The following TBCE variants were observed in gnomAD, a reference collection of about 807,000 sequenced individuals.
TBCE encodes the protein tubulin folding cofactor E.
In TBCE, 53 loss-of-function variants were observed where a neutral mutation model predicts 77.0. The ratio of observed to expected loss-of-function variants is 0.69; its 90% CI spans 0.55 to 0.87. The LOEUF (loss-of-function observed/expected upper bound fraction) is 0.87, where lower values mean the gene tolerates loss of function less well. TBCE is among the 40% of genes least tolerant of loss of function. The pLI, the probability that TBCE is intolerant of heterozygous loss-of-function variation, is 0.00. For synonymous variants in TBCE, 235 were observed against 241.3 expected, an observed-to-expected ratio of 0.97 and a Z score of 0.24; for missense variants, 624 against 622.4, an observed-to-expected ratio of 1.00 and a Z score of -0.03.
In TBCE at chr1:235,448,984, A is replaced by T; in HGVS notation, c.*222A>T. ...AACCTACTAATGATTTTCTGATCTTATTTCATATTTATTTTTACAGCTCAT... is the reference window on the plus strand; with the variant it reads ...AACCTACTAATGATTTTCTGATCTTTTTTCATATTTATTTTTACAGCTCAT... On this transcript the variant is annotated 3_prime_UTR_variant, in exon 17 of 17. Transcript: ENST00000642610. 2.2e-6 allele frequency: 1 copy of T among 460,894 alleles called. No homozygotes were observed. The highest frequency in any genetic ancestry group is 4.0e-6 in the Non-Finnish European group (1 of 250,646). 28.6% of individuals were successfully genotyped at this position (460,894 alleles called of 1,614,324 possible). A position where few individuals can be genotyped will look rare whatever the true frequency, so the allele number is the denominator to read the frequency against.
intron 4 of TBCE, chr1:235,415,075 C>G: frequency 4.5e-6 from 1 of 223,160 alleles, no homozygotes; most frequent in Non-Finnish European, 9.0e-6. Flanking sequence ...GTGGAACATG[C>G]GGCATCCTTG....
intron 3 of TBCE, among the ~76,000 whole-genome samples, chr1:235,402,788 C>T (rs1679193970): frequency 6.6e-6 from 1 of 151,770 alleles, no homozygotes; most frequent in Non-Finnish European, 1.5e-5. Context: ...GCACACCCAG[C>T]TAATTTAAAA....
chr1:235,419,618 G>A (rs1312342506), intron 5 of TBCE, 57 bp downstream of exon 5: 7 of 1,606,058 alleles, frequency 4.4e-6, no homozygotes, highest in East Asian at 2.2e-5. Flanking sequence ...TTATACCTGT[G>A]CCAGAGACTG....
At chr1:235,440,505 G>C (rs1270418358) in intron 13 of TBCE, among the ~76,000 whole-genome samples, 1 of 151,930 alleles carries the variant, frequency 6.6e-6, no homozygotes, top group Non-Finnish European at 1.5e-5. Context: ...TGATTCTCCT[G>C]CTTCAGCCTC....
intron 3 of TBCE, among the ~76,000 whole-genome samples, chr1:235,402,504 A>G (rs1335439982): frequency 6.6e-6 from 1 of 152,042 alleles, no homozygotes; most frequent in Non-Finnish European, 1.5e-5. Flanking sequence ...ATTAGTTTTC[A>G]ATTTCTGAAA....
chr1:235,418,164 TTTCC>T (rs1327382104), intron 4 of TBCE, among the ~76,000 whole-genome samples: 1 of 152,238 alleles, frequency 6.6e-6, no homozygotes, highest in Non-Finnish European at 1.5e-5. Context: ...TATGTCAGAA[TTTCC>T]TTCCTTTTTT....
chr1:235,409,996 C>G (rs542099339), intron 3 of TBCE, among the ~76,000 whole-genome samples: 2 of 148,132 alleles, frequency 1.4e-5, no homozygotes, highest in East Asian at 4.0e-4. Flanking sequence ...TGCCACTGCA[C>G]TCCAGCCTGC....
chr1:235,404,887 CCTGACCTCGTGAT>C (rs1679324814), intron 3 of TBCE, among the ~76,000 whole-genome samples: 1 of 151,820 alleles, frequency 6.6e-6, no homozygotes, highest in Non-Finnish European at 1.5e-5. Flanking sequence ...GTGTCGAACC[CCTGACCTCGTGAT>C]CAACCCTCCT....
At chr1:235,436,635 C>G in intron 11 of TBCE, 27 bp downstream of exon 11, 1 of 1,592,062 alleles carries the variant, frequency 6.3e-7, no homozygotes, top group South Asian at 1.1e-5. Flanking sequence ...GTATGCCCAG[C>G]ACACTGTTGC....
rs540594036 is a variant in TBCE at position 235,413,234 on chromosome 1, C to T, written c.186-1199C>T. 1.8e-4 allele frequency among the ~76,000 whole-genome samples: 27 copies of T among 152,212 alleles called. No homozygotes were observed. In the East Asian group the frequency reaches 5.2e-3, roughly 29 times the overall value. ...TGTTAGCTGGACATGGTTGCTTGTA[C>T]CTGTAGTCCTAGCTACGTGGGAGGC... On this transcript the variant is annotated intron_variant, in intron 3 of 16. Coordinates refer to ENST00000642610, the MANE Select transcript of TBCE (RefSeq NM_003193.5).
intron 3 of TBCE, among the ~76,000 whole-genome samples, chr1:235,407,134 C>A (rs1204920668): frequency 1.4e-5 from 2 of 138,614 alleles, no homozygotes; most frequent in South Asian, 2.3e-4. Flanking sequence ...TGGCCCCCGC[C>A]TTTTTTTTTT....
At chr1:235,447,067 C>T (rs933072896) in intron 15 of TBCE, among the ~76,000 whole-genome samples, 2 of 152,148 alleles carry the variant, frequency 1.3e-5, no homozygotes, top group Non-Finnish European at 2.9e-5. Context: ...GTAACCCCTT[C>T]TCTCACCAGC....
intron 1 of TBCE, among the ~76,000 whole-genome samples, chr1:235,374,540 G>A (rs1253183019): frequency 6.9e-6 from 1 of 145,468 alleles, no homozygotes; most frequent in Non-Finnish European, 1.5e-5. Context: ...TCCCTCTGTC[G>A]CCCAGGCTGA....
chr1:235,410,765 C>T (rs1679740411), intron 3 of TBCE, among the ~76,000 whole-genome samples: 1 of 152,190 alleles, frequency 6.6e-6, no homozygotes, highest in Non-Finnish European at 1.5e-5. Context: ...TGAAGATCCA[C>T]TTTCTGTAAC....
chr1:235,413,678 A>G (rs1000193028), intron 3 of TBCE, among the ~76,000 whole-genome samples: 3 of 151,852 alleles, frequency 2.0e-5, no homozygotes, highest in African/African-American at 7.2e-5. Context: ...AAAAAAAGAA[A>G]AAAAGTAATG....
At chr1:235,418,615 A>G (rs1048753677) in intron 4 of TBCE, 1 of 152,164 alleles carries the variant, frequency 6.6e-6, no homozygotes, top group Admixed American at 6.5e-5. Context: ...CGTGGTTGGG[A>G]ACAATCTAAA....
intron 5 of TBCE, among the ~76,000 whole-genome samples, chr1:235,421,387 C>T (rs548264397): frequency 2.2e-4 from 34 of 152,168 alleles, no homozygotes; most frequent in Admixed American, 7.2e-4. Context: ...TGTACTTCAG[C>T]CTGGGAGACC....
At position 235,437,364 on chromosome 1, in the gene TBCE, G is replaced by C; in HGVS notation, c.1006G>C (p.Ala336Pro). ...NELEKLPSLR[A>P]LSCLRNPLTK... ...GCTAGAGAAGTTACCAAGTCTACGG[G>C]CTTTGTCCTGCCTAAGAAACCCCCT... The change falls in exon 12 of 17, where the codon GCT (alanine) becomes CCT (proline). Residue 336 changes from alanine (A) to proline (P), a missense_variant. Ala to Pro is a conservative substitution (Grantham distance 27). Transcript: ENST00000642610. The C allele has an allele frequency of 6.2e-7, 1 of 1,614,112 alleles. No homozygotes were observed. The highest frequency in any genetic ancestry group is 8.5e-7 in the Non-Finnish European group (1 of 1,180,016).
At chr1:235,411,200 G>A (rs1679762666) in intron 3 of TBCE, among the ~76,000 whole-genome samples, 1 of 152,212 alleles carries the variant, frequency 6.6e-6, no homozygotes, top group Non-Finnish European at 1.5e-5. Context: ...TTGGTTCACA[G>A]GAATAAGTGG....
Sources: gnomAD v4.1 joint callset for allele counts (sites outside exome capture counted in the v4.1 genomes callset) on GRCh38, gnomAD v4.1.1 for gene constraint, MANE v1.5 for transcripts, NCBI Gene and HGNC (gene_info 2026-07-23, HGNC 2026-07-21) for gene names.